Variants in CLASP1 observed in about 807,000 individuals in gnomAD.
CLASP1 encodes CLIP-associating protein 1.
A neutral mutation model predicts 192.3 loss-of-function variants in CLASP1; 38 were observed. That is an observed-to-expected ratio of 0.20 (90% CI 0.15 to 0.26). CLASP1 has a LOEUF of 0.26. Among genes scored for constraint, CLASP1 ranks in the 10% least tolerant of loss-of-function variants. The pLI is 1.00. For missense variants in CLASP1, 1,433 were observed against 1,932.5 expected (o/e 0.74, Z 4.85); for synonymous variants, 691 against 712.8 (o/e 0.97, Z 0.49).
intron 2 of CLASP1, among the ~76,000 whole-genome samples, chr2:121,593,334 C>T (rs1194598285): frequency 6.6e-6 from 1 of 152,010 alleles, no homozygotes; most frequent in Non-Finnish European, 1.5e-5. Flanking sequence ...GTAAAGGAAA[C>T]TATGGCCGGG....
intron 32 of CLASP1, among the ~76,000 whole-genome samples, chr2:121,386,357 T>C (rs1331844004): frequency 6.6e-6 from 1 of 152,198 alleles, no homozygotes; most frequent in Non-Finnish European, 1.5e-5. Context: ...ACAGAGCATG[T>C]GTGCCCCTTG....
chr2:121,441,248 C>T (rs149526120), intron 19 of CLASP1, among the ~76,000 whole-genome samples: 361 of 152,292 alleles, frequency 2.4e-3, no homozygotes, highest in African/African-American at 8.3e-3. Flanking sequence ...ATTAAAAGGT[C>T]TTCAAAGTAA....
intron 8 of CLASP1, among the ~76,000 whole-genome samples, chr2:121,486,820 TAG>T (rs1216625842): frequency 2.0e-5 from 3 of 152,320 alleles, no homozygotes; most frequent in South Asian, 2.1e-4. Flanking sequence ...CCTCTTTAGC[TAG>T]AGAGGCAAAT....
At position 121,590,418 on chromosome 2, in the gene CLASP1, T is replaced by C. The variant is rs532930623; in HGVS notation, c.195+15283A>G. Reference sequence around the variant, plus strand: ...AAAGCTACAAATGTATAGAAGAGAATATTACATTAAAAATATTTTAAATCA... The same window carrying C: ...AAAGCTACAAATGTATAGAAGAGAACATTACATTAAAAATATTTTAAATCA... On this transcript the variant is annotated intron_variant, in intron 2 of 39. Coordinates refer to ENST00000263710, the Ensembl canonical transcript of CLASP1. Among the ~76,000 whole-genome samples the C allele has an allele frequency of 5.3e-5, 8 of 152,300 alleles. No homozygotes were observed. In the South Asian group the frequency reaches 1.7e-3, roughly 32 times the overall value.
chr2:121,403,514 T>C (rs1019660198), intron 26 of CLASP1: 42 of 456,758 alleles, frequency 9.2e-5, no homozygotes, highest in African/African-American at 7.0e-4. Context: ...GAGGAGCCCA[T>C]CTTTACTAGG....
chr2:121,347,977 T>TA (rs1325538324), intron 38 of CLASP1, among the ~76,000 whole-genome samples: 2 of 118,906 alleles, frequency 1.7e-5, no homozygotes, highest in East Asian at 5.8e-4. Context: ...ACCCCTTCTC[T>TA]ACTGTCATGT....
intron 6 of CLASP1, among the ~76,000 whole-genome samples, chr2:121,517,583 G>T (rs529229378): frequency 6.6e-6 from 1 of 152,146 alleles, no homozygotes; most frequent in African/African-American, 2.4e-5. Flanking sequence ...GGCCGAGCAT[G>T]GTGGCTCACA....
At chr2:121,503,057 A>T in intron 8 of CLASP1, 110 bp downstream of exon 8, 1 of 694,384 alleles carries the variant, frequency 1.4e-6, no homozygotes, top group Non-Finnish European at 2.4e-6. Flanking sequence ...GTTAAGTTTT[A>T]AGACTTAGAA....
chr2:121,589,014 T>A (rs1360055658), intron 2 of CLASP1, among the ~76,000 whole-genome samples: 1 of 152,134 alleles, frequency 6.6e-6, no homozygotes, highest in Non-Finnish European at 1.5e-5. Context: ...CTTCTGATAG[T>A]GGAGCTGCAA....
intron 7 of CLASP1, among the ~76,000 whole-genome samples, chr2:121,512,147 A>T (rs1422477296): frequency 6.6e-6 from 1 of 152,254 alleles, no homozygotes; most frequent in Non-Finnish European, 1.5e-5. Context: ...TCTATAAGTT[A>T]AATCATCTTC....
intron 2 of CLASP1, among the ~76,000 whole-genome samples, chr2:121,605,214 G>C (rs550282511): frequency 2.1e-4 from 29 of 139,502 alleles, no homozygotes; most frequent in African/African-American, 7.5e-4. Flanking sequence ...ACAGGTCACA[G>C]AAAAGTCCTT....
At chr2:121,611,477 A>C (rs2065469237) in intron 1 of CLASP1, among the ~76,000 whole-genome samples, 2 of 141,106 alleles carry the variant, frequency 1.4e-5, no homozygotes, top group South Asian at 4.7e-4. Flanking sequence ...CTGGAGGAGG[A>C]GGCGTTGGAG....
chr2:121,464,273 C>A (rs1298047821), intron 9 of CLASP1, among the ~76,000 whole-genome samples: 2 of 151,952 alleles, frequency 1.3e-5, no homozygotes, highest in African/African-American at 4.8e-5. Flanking sequence ...GGTTCCAAGT[C>A]TTTGCTATTG....
At chr2:121,523,967 T>C (rs967451087) in intron 6 of CLASP1, among the ~76,000 whole-genome samples, 1 of 152,206 alleles carries the variant, frequency 6.6e-6, no homozygotes, top group African/African-American at 2.4e-5. Context: ...TGCACAGCCA[T>C]GCAGTGCTCC....
intron 1 of CLASP1, among the ~76,000 whole-genome samples, chr2:121,639,015 G>A (rs556820637): frequency 1.7e-4 from 26 of 152,102 alleles, no homozygotes; most frequent in Admixed American, 1.4e-3. Context: ...GGTGGCTCAC[G>A]CCTGTAATCC....
chr2:121,383,296 A>G (rs948964434), intron 32 of CLASP1, among the ~76,000 whole-genome samples: 4 of 152,224 alleles, frequency 2.6e-5, no homozygotes, highest in African/African-American at 9.6e-5. Context: ...TCCCCTGAGC[A>G]CAGGTATGGC....
chr2:121,422,465 G>A (rs2079661925), intron 22 of CLASP1, among the ~76,000 whole-genome samples: 1 of 152,120 alleles, frequency 6.6e-6, no homozygotes. Flanking sequence ...TGGGAGAAGG[G>A]AACAAGGGCA....
intron 36 of CLASP1, 181 bp downstream of exon 37, chr2:121,364,913 G>C: frequency 1.5e-6 from 1 of 646,460 alleles, no homozygotes; most frequent in Non-Finnish European, 2.7e-6. Context: ...GCTTGTTGCT[G>C]ATAAAAACAT....
chr2:121,648,774 C>T (rs973147075), intron 1 of CLASP1, among the ~76,000 whole-genome samples: 1 of 152,256 alleles, frequency 6.6e-6, no homozygotes, highest in African/African-American at 2.4e-5. Context: ...CAGAAAGAAG[C>T]TCTTCGAAGG....
Sources: gnomAD v4.1 joint callset for allele counts (sites outside exome capture counted in the v4.1 genomes callset) on GRCh38, gnomAD v4.1.1 for gene constraint, MANE v1.5 for transcripts, NCBI Gene and HGNC (gene_info 2026-07-23, HGNC 2026-07-21) for gene names.